Variants in SAMD8 observed in about 807,000 individuals in gnomAD.
SAMD8 encodes sphingomyelin synthase-related protein 1.
A neutral mutation model predicts 42.0 loss-of-function variants in SAMD8; 20 were observed. That is an observed-to-expected ratio of 0.48 (90% confidence interval 0.34 to 0.69). SAMD8 has a LOEUF of 0.69. Ranked by LOEUF, SAMD8 falls within the 30% of genes least tolerant of loss-of-function variation. The pLI is 0.01. For synonymous variants in SAMD8, 162 were observed against 173.0 expected, an observed-to-expected ratio of 0.94 and a Z score of 0.50; for missense variants, 328 against 511.6, an observed-to-expected ratio of 0.64 and a Z score of 3.46.
At chr10:75,124,430 T>C (rs1425981400) in intron 1 of SAMD8, among the ~76,000 whole-genome samples, 5 of 152,092 alleles carry the variant, frequency 3.3e-5, no homozygotes, top group Non-Finnish European at 5.9e-5. Flanking sequence ...CTGGCCAACG[T>C]GGTGAAACCC....
intron 1 of SAMD8, among the ~76,000 whole-genome samples, chr10:75,140,445 T>C (rs1839986925): frequency 6.6e-6 from 1 of 152,210 alleles, no homozygotes; most frequent in Non-Finnish European, 1.5e-5. Context: ...GACCTATGCT[T>C]TTGTATAATG....
intron 1 of SAMD8, among the ~76,000 whole-genome samples, chr10:75,115,804 C>T (rs990296443): frequency 2.6e-5 from 4 of 151,942 alleles, no homozygotes; most frequent in East Asian, 3.9e-4. Flanking sequence ...AGCCGGGCCT[C>T]GTGGCAGGCG....
chr10:75,140,662 A>G (rs1376993705), intron 1 of SAMD8, among the ~76,000 whole-genome samples: 1 of 152,242 alleles, frequency 6.6e-6, no homozygotes, highest in Non-Finnish European at 1.5e-5. Context: ...CATGCAGTAA[A>G]GAATTCGAGT....
intron 1 of SAMD8, among the ~76,000 whole-genome samples, chr10:75,130,648 G>A (rs1849254706): frequency 6.6e-6 from 1 of 152,138 alleles, no homozygotes; most frequent in Admixed American, 6.6e-5. Context: ...AATTCTTGGA[G>A]TTTAATTTCA....
intron 1 of SAMD8, among the ~76,000 whole-genome samples, chr10:75,119,342 A>G (rs1221018604): frequency 6.6e-6 from 1 of 152,104 alleles, no homozygotes; most frequent in Non-Finnish European, 1.5e-5. Flanking sequence ...TTTTTAGTAG[A>G]GACGGGGTTT....
intron 1 of SAMD8, among the ~76,000 whole-genome samples, chr10:75,147,396 T>C (rs1840164871): frequency 6.6e-6 from 1 of 152,146 alleles, no homozygotes; most frequent in Admixed American, 6.6e-5. Flanking sequence ...GTGTGATCTC[T>C]ACTAACTGCA....
chr10:75,141,927 G>A (rs1024886395), intron 1 of SAMD8, among the ~76,000 whole-genome samples: 4 of 151,478 alleles, frequency 2.6e-5, no homozygotes, highest in Non-Finnish European at 5.9e-5. Context: ...GTCTTGCCTT[G>A]CATCTTTTTT....
At chr10:75,099,646 C>T (rs577818783) in exon 1 of SAMD8, 50 of 837,768 alleles carry the variant, frequency 6.0e-5, no homozygotes, top group South Asian at 1.3e-4. Context: ...AACCCCCAGG[C>T]CTCCTCTCTG....
chr10:75,166,962 A>G (rs1010240313), intron 3 of SAMD8, among the ~76,000 whole-genome samples: 1 of 152,186 alleles, frequency 6.6e-6, no homozygotes, highest in Non-Finnish European at 1.5e-5. Context: ...TCAGGAGTGC[A>G]CACTAATGCT....
At chr10:75,140,799 A>G (rs1278786651) in intron 1 of SAMD8, among the ~76,000 whole-genome samples, 3 of 152,106 alleles carry the variant, frequency 2.0e-5, no homozygotes, top group Non-Finnish European at 4.4e-5. Context: ...GCCCGTTGGG[A>G]TTTTGATTGG....
At chr10:75,154,392 C>T (rs989430808) in intron 2 of SAMD8, among the ~76,000 whole-genome samples, 2 of 152,178 alleles carry the variant, frequency 1.3e-5, no homozygotes, top group African/African-American at 4.8e-5. Flanking sequence ...AGGAAGAAAT[C>T]ATGTGGCTGT....
upstream of SAMD8, chr10:75,108,250 T>C: frequency 6.4e-7 from 1 of 1,560,552 alleles, no homozygotes; most frequent in Non-Finnish European, 8.7e-7. Context: ...GGCCAAGCCA[T>C]GGGACCAGGA....
intron 1 of SAMD8, among the ~76,000 whole-genome samples, chr10:75,133,863 A>C (rs538392889): frequency 2.0e-5 from 3 of 152,310 alleles, no homozygotes; most frequent in East Asian, 3.9e-4. Flanking sequence ...ACAAAATTAC[A>C]GTTAGCTCCA....
chr10:75,117,346 C>T (rs1228540614), intron 1 of SAMD8, among the ~76,000 whole-genome samples: 2 of 151,684 alleles, frequency 1.3e-5, no homozygotes, highest in African/African-American at 4.8e-5. Context: ...CACCTGAGCC[C>T]AGGAGGTCAA....
At chr10:75,128,473 A>G (rs1286088498) in intron 1 of SAMD8, among the ~76,000 whole-genome samples, 1 of 151,994 alleles carries the variant, frequency 6.6e-6, no homozygotes, top group Non-Finnish European at 1.5e-5. Context: ...TCGCCTCCCA[A>G]AGTGTTGGGA....
intron 4 of SAMD8, among the ~76,000 whole-genome samples, chr10:75,175,266 G>A (rs1472427298): frequency 1.3e-5 from 2 of 152,222 alleles, no homozygotes; most frequent in African/African-American, 4.8e-5. Context: ...GGCTGGGAAA[G>A]GCAATATTTT....
intron 2 of SAMD8, among the ~76,000 whole-genome samples, chr10:75,155,738 AAAT>A (rs1451620701): frequency 6.6e-6 from 1 of 152,342 alleles, no homozygotes; most frequent in East Asian, 1.9e-4. Flanking sequence ...TAAATATTGT[AAAT>A]AATCTAAATG....
At position 75,176,058 on chromosome 10, in the gene SAMD8, C is replaced by T. The variant is rs757539012; in HGVS notation, c.793-8C>T. 2 of 1,607,628 alleles carry T rather than the reference C, an allele frequency of 1.2e-6. No homozygotes were observed. Among genetic ancestry groups the T allele is most frequent in the East Asian group, 4.5e-5 (2 of 44,790 alleles). ...TTTGAAGCACTAATTCATAACTTTT[C>T]TTCATAGATATATGGCAGTGTATGG... On this transcript the variant is annotated splice_region_variant and splice_polypyrimidine_tract_variant and intron_variant, in intron 4 of 5. Transcript: ENST00000542569. The surrounding 1 kb of genome is among the most constrained non-coding windows in gnomAD (Gnocchi z 4.3).
At chr10:75,149,248 C>A (rs561761366) in intron 1 of SAMD8, among the ~76,000 whole-genome samples, 1 of 151,894 alleles carries the variant, frequency 6.6e-6, no homozygotes, top group Non-Finnish European at 1.5e-5. Flanking sequence ...CCTGAGAAGG[C>A]CCAAGTAACT....
Sources: gnomAD v4.1 joint callset for allele counts (sites outside exome capture counted in the v4.1 genomes callset) on GRCh38, gnomAD v4.1.1 for gene constraint, Gnocchi (gnomAD v3.1) non-coding constraint, MANE v1.5 for transcripts, NCBI Gene and HGNC (gene_info 2026-07-23, HGNC 2026-07-21) for gene names.